The following FIBCD1 variants were observed in gnomAD, a reference collection of about 807,000 sequenced individuals.
FIBCD1 encodes fibrinogen C domain-containing protein 1.
Under a neutral mutation model 45.1 loss-of-function variants are expected in FIBCD1, and 47 were observed. That is an observed-to-expected ratio of 1.04 (90% CI 0.82 to 1.33). The LOEUF (loss-of-function observed/expected upper bound fraction) is 1.33. FIBCD1 is among the 40% of genes most tolerant of loss of function. The pLI, the probability that FIBCD1 is intolerant of heterozygous loss-of-function variation, is 0.00. For missense variants in FIBCD1, 653 were observed against 682.2 expected, an observed-to-expected ratio of 0.96 and a Z score of 0.48; for synonymous variants, 313 against 308.1, an observed-to-expected ratio of 1.02 and a Z score of -0.17.
intron 5 of FIBCD1, among the ~76,000 whole-genome samples, chr9:130,907,592 AAC>A (rs1831951845): frequency 2.0e-5 from 3 of 152,152 alleles, no homozygotes; most frequent in South Asian, 4.1e-4. Context: ...GTCAACCTAA[AAC>A]AACACTAGAA....
At chr9:130,923,239 C>T (rs967269337) in intron 4 of FIBCD1, among the ~76,000 whole-genome samples, 14 of 152,210 alleles carry the variant, frequency 9.2e-5, no homozygotes, top group African/African-American at 3.4e-4. Flanking sequence ...CTGTTTCCCA[C>T]CCAGGCAGGA....
rs181502435 is a variant in FIBCD1 at position 130,907,478 on chromosome 9, G to A, written c.947-2065C>T. Among the ~76,000 whole-genome samples, 11 of 152,238 alleles carry A rather than the reference G, an allele frequency of 7.2e-5. No homozygotes were observed. The South Asian group carries it at 1.7e-3, about 23-fold the overall frequency. ...CCTTCACCAGCTCCCGGCTCAAATC[G>A]CCAAGAGCAAGAAACAGGGCTGATG... On this transcript the variant is annotated intron_variant, in intron 5 of 6. Transcript: ENST00000372338.
chr9:130,910,161 G>A (rs1832011176), intron 5 of FIBCD1, among the ~76,000 whole-genome samples: 1 of 152,232 alleles, frequency 6.6e-6, no homozygotes. Context: ...TGCGGCGCTT[G>A]CGGGCCAGCT....
chr9:130,920,687 C>T (rs1006554716), intron 4 of FIBCD1, among the ~76,000 whole-genome samples: 1 of 152,102 alleles, frequency 6.6e-6, no homozygotes, highest in Admixed American at 6.5e-5. Flanking sequence ...GCCGCCAAAC[C>T]TCCTTAAACC....
intron 1 of FIBCD1, chr9:130,934,048 G>A (rs1285625981): frequency 6.6e-6 from 1 of 152,308 alleles, no homozygotes. Context: ...GAAGGTGGCG[G>A]GGTCCTGTGG....
chr9:130,933,690 C>T (rs958717903), intron 1 of FIBCD1, among the ~76,000 whole-genome samples: 1 of 143,536 alleles, frequency 7.0e-6, no homozygotes, highest in African/African-American at 2.5e-5. Context: ...TTCTCTGAGA[C>T]CCCAGCCTTG....
At chr9:130,907,898 C>CAAAAAAAA (rs11301443) in intron 5 of FIBCD1, among the ~76,000 whole-genome samples, 2 of 78,706 alleles carry the variant, frequency 2.5e-5, no homozygotes, top group Admixed American at 2.7e-4. Context: ...GACTCTGTCT[C>CAAAAAAAA]AAAAAAAAAA....
In FIBCD1 at chr9:130,933,013, C is replaced by G. The variant is rs145421793; in HGVS notation, c.73-2967G>C. 1.1e-3 allele frequency among the ~76,000 whole-genome samples: 163 copies of G among 152,272 alleles called. 1 individual carries two copies. The highest frequency in any genetic ancestry group is 1.8e-3 in the Non-Finnish European group (121 of 68,012). ...TCATCCGTCTCCCCTCTGCAACTCC[C>G]ACACCCCTGCCCTATCTTGCACCCT... On this transcript the variant is annotated intron_variant, in intron 1 of 6. Coordinates refer to ENST00000372338, the MANE Select transcript of FIBCD1 (RefSeq NM_032843.5).
At chr9:130,924,918 C>T (rs1357921399) in intron 2 of FIBCD1, among the ~76,000 whole-genome samples, 2 of 152,164 alleles carry the variant, frequency 1.3e-5, no homozygotes, top group South Asian at 2.1e-4. Context: ...CGGCAAGGAC[C>T]GGCCGGGTAC....
chr9:130,924,736 C>T (rs1334055101), intron 2 of FIBCD1, among the ~76,000 whole-genome samples: 3 of 152,192 alleles, frequency 2.0e-5, no homozygotes, highest in South Asian at 2.1e-4. Context: ...TGGAGGAGGC[C>T]GTGCCAGGTG....
chr9:130,935,402 G>A (rs1490929690), intron 1 of FIBCD1, among the ~76,000 whole-genome samples: 1 of 152,158 alleles, frequency 6.6e-6, no homozygotes, highest in African/African-American at 2.4e-5. Context: ...GGCAAATACC[G>A]TTTCACCCTG....
At position 130,911,794 on chromosome 9, in the gene FIBCD1, A is replaced by C. The variant is rs1432196712; in HGVS notation, c.944T>G (p.Leu315Arg). ...GFGRLTGEHW[L>R]GLKRIHALTT... ...CGGATGGTGGGTGGGGTGCTCACCT[A>C]GCCAGTGCTCCCCGGTGAGCCTGCC... Residue 315 changes from leucine to arginine, a missense_variant and splice_region_variant, in exon 5 of 7, where the codon CTA becomes CGA. Coordinates refer to ENST00000372338, the MANE Select transcript of FIBCD1 (RefSeq NM_032843.5). The C allele has an allele frequency of 1.3e-6, 2 of 1,598,502 alleles. No homozygotes were observed. Among genetic ancestry groups the C allele is most frequent in the Admixed American group, 3.4e-5 (2 of 58,532 alleles).
At chr9:130,921,962 T>G (rs962669591) in intron 4 of FIBCD1, among the ~76,000 whole-genome samples, 1 of 152,246 alleles carries the variant, frequency 6.6e-6, no homozygotes, top group Non-Finnish European at 1.5e-5. Context: ...TCTGCCTTGC[T>G]GGCGGACTCG....
chr9:130,916,982 C>T (rs1159474560), intron 4 of FIBCD1, among the ~76,000 whole-genome samples: 1 of 152,194 alleles, frequency 6.6e-6, no homozygotes, highest in Non-Finnish European at 1.5e-5. Context: ...CCTTTAATCC[C>T]AGCTACTCGG....
At chr9:130,932,039 T>C (rs1442558746) in intron 1 of FIBCD1, among the ~76,000 whole-genome samples, 1 of 152,250 alleles carries the variant, frequency 6.6e-6, no homozygotes, top group Non-Finnish European at 1.5e-5. Flanking sequence ...TATTTCTGTG[T>C]GTCGTCAATG....
chr9:130,919,101 TGCC>T, intron 4 of FIBCD1, among the ~76,000 whole-genome samples: 1 of 152,314 alleles, frequency 6.6e-6, no homozygotes, highest in African/African-American at 2.4e-5. Flanking sequence ...ACTGCCAAGC[TGCC>T]GTTTCTCGGG....
At chr9:130,909,703 G>A (rs1832000719) in intron 5 of FIBCD1, among the ~76,000 whole-genome samples, 1 of 151,238 alleles carries the variant, frequency 6.6e-6, no homozygotes, top group Non-Finnish European at 1.5e-5. Context: ...TAAGATAAAT[G>A]TTTTGTTTAG....
At chr9:130,914,031 C>G (rs969995690) in intron 4 of FIBCD1, among the ~76,000 whole-genome samples, 8 of 152,184 alleles carry the variant, frequency 5.3e-5, no homozygotes, top group Non-Finnish European at 1.2e-4. Flanking sequence ...GCACCCACGT[C>G]TGTAAAGCAG....
chr9:130,923,668 G>A, intron 4 of FIBCD1, 76 bp downstream of exon 4: 1 of 1,561,252 alleles, frequency 6.4e-7, no homozygotes, highest in South Asian at 1.2e-5. Context: ...AAGCTGCTCG[G>A]AATGCCCGGG....
Sources: gnomAD v4.1 joint callset for allele counts (sites outside exome capture counted in the v4.1 genomes callset) on GRCh38, gnomAD v4.1.1 for gene constraint, MANE v1.5 for transcripts, NCBI Gene and HGNC (gene_info 2026-07-23, HGNC 2026-07-21) for gene names.